SGCZ: variants seen among roughly 807,000 people sequenced by gnomAD.
The protein encoded by SGCZ is sarcoglycan zeta, also known as zeta-sarcoglycan.
SGCZ carries 40 observed loss-of-function variants against 41.3 expected under a neutral mutation model. The observed-to-expected ratio is 0.97, with a 90% confidence interval of 0.75 to 1.26. SGCZ has a LOEUF of 1.26. SGCZ is among the 50% of genes most tolerant of loss of function. SGCZ has a pLI of 0.00. For missense variants in SGCZ, 552 were observed against 369.8 expected, an observed-to-expected ratio of 1.49 and a Z score of -4.04; for synonymous variants, 206 against 137.5, an observed-to-expected ratio of 1.50 and a Z score of -3.49.
rs191893470 is a variant in SGCZ, at chr8:14,196,178, T to C, written c.425-31476A>G. Among the ~76,000 whole-genome samples the C allele has an allele frequency of 7.6e-4, 116 of 152,174 alleles. 1 individual carries two copies. Among genetic ancestry groups the C allele is most frequent in the African/African-American group, 2.4e-3 (100 of 41,538 alleles). On this transcript the variant is annotated intron_variant, in intron 4 of 7. Transcript: ENST00000382080. ...TGGACATAGATAAGCTATAGATTTA[T>C]ATTATGAACATTAAAGCAATCAGTA...
intron 2 of SGCZ, among the ~76,000 whole-genome samples, chr8:14,545,921 G>C (rs1803612100): frequency 6.6e-6 from 1 of 152,036 alleles, no homozygotes; most frequent in South Asian, 2.1e-4. Flanking sequence ...AATTCTTGTA[G>C]TTTACTTCAG....
intron 7 of SGCZ, among the ~76,000 whole-genome samples, chr8:14,092,301 G>C (rs1043888196): frequency 2.6e-5 from 4 of 151,928 alleles, no homozygotes; most frequent in African/African-American, 9.7e-5. Flanking sequence ...GGTTATGTGG[G>C]CTCTTTTTTG....
At chr8:14,486,769 C>A (rs892199399) in intron 2 of SGCZ, among the ~76,000 whole-genome samples, 2 of 152,184 alleles carry the variant, frequency 1.3e-5, no homozygotes, top group East Asian at 3.9e-4. Context: ...CATTCTCCAA[C>A]CTCAGCCTCC....
intron 1 of SGCZ, among the ~76,000 whole-genome samples, chr8:14,843,010 T>A (rs556478810): frequency 6.6e-6 from 1 of 152,262 alleles, no homozygotes; most frequent in African/African-American, 2.4e-5. Flanking sequence ...GTCAAAGGTT[T>A]GAGACCAGCC....
intron 1 of SGCZ, 32 bp from the exon 2 acceptor site, chr8:14,554,958 AG>A (rs1488101300): frequency 8.7e-6 from 13 of 1,497,312 alleles, no homozygotes; most frequent in Non-Finnish European, 1.2e-5. Flanking sequence ...AAGAGAAAGA[AG>A]GAAAAAAAAA....
intron 1 of SGCZ, among the ~76,000 whole-genome samples, chr8:15,229,451 A>G (rs1801879433): frequency 6.6e-6 from 1 of 152,174 alleles, no homozygotes; most frequent in South Asian, 2.1e-4. Flanking sequence ...GGTAAAGGGG[A>G]ACTAATTTAA....
Position 14,383,374 on chromosome 8 carries a change from G to A in SGCZ, c.235-59170C>T, listed in dbSNP as rs112086985. ...CTACTTAACGAAGTTTATAATTATG[G>A]GAAAGAAGTCTAATGATGGAGTGAC... On this transcript the variant is annotated intron_variant, in intron 2 of 7. Coordinates refer to ENST00000382080, the MANE Select transcript of SGCZ (RefSeq NM_139167.4). 4.6e-5 allele frequency among the ~76,000 whole-genome samples: 7 copies of A among 152,234 alleles called. 1 individual carries two copies. Among genetic ancestry groups the A allele is most frequent in the African/African-American group, 1.7e-4 (7 of 41,536 alleles).
intron 1 of SGCZ, among the ~76,000 whole-genome samples, chr8:14,598,838 T>A (rs1805497755): frequency 6.6e-6 from 1 of 152,120 alleles, no homozygotes; most frequent in Non-Finnish European, 1.5e-5. Context: ...AAAAAGATAT[T>A]TAAAAATATT....
chr8:14,608,036 G>A (rs1379884432), intron 1 of SGCZ, among the ~76,000 whole-genome samples: 2 of 152,282 alleles, frequency 1.3e-5, no homozygotes, highest in Admixed American at 6.5e-5. Context: ...AGATTACAAT[G>A]TCACTGTTAA....
At chr8:14,767,849 A>C (rs542829172) in intron 1 of SGCZ, among the ~76,000 whole-genome samples, 2 of 152,306 alleles carry the variant, frequency 1.3e-5, no homozygotes, top group South Asian at 4.1e-4. Flanking sequence ...ATTCATATTT[A>C]GATTCTTCCT....
At chr8:14,248,795 T>C (rs908694387) in intron 3 of SGCZ, among the ~76,000 whole-genome samples, 3 of 152,112 alleles carry the variant, frequency 2.0e-5, no homozygotes, top group African/African-American at 7.2e-5. Context: ...ATGAGGGGTT[T>C]TAAATATCTG....
chr8:14,512,084 C>T (rs983729477), intron 2 of SGCZ, among the ~76,000 whole-genome samples: 1 of 152,096 alleles, frequency 6.6e-6, no homozygotes, highest in Admixed American at 6.6e-5. Flanking sequence ...ATAACTGACA[C>T]CATGAAAACT....
chr8:15,236,562 C>T (rs144416065), intron 1 of SGCZ, among the ~76,000 whole-genome samples: 315 of 152,336 alleles, frequency 2.1e-3, no homozygotes, highest in African/African-American at 7.4e-3. Flanking sequence ...AAAAGAGGTG[C>T]TTCCAGTGTC....
chr8:14,408,457 C>A (rs77742195), intron 2 of SGCZ, among the ~76,000 whole-genome samples: 3,314 of 152,164 alleles, frequency 0.022, 94 homozygotes, highest in African/African-American at 0.059. Flanking sequence ...AGTCCTAATA[C>A]GCTCCATTCC....
chr8:14,793,670 T>C (rs1801032944), intron 1 of SGCZ, among the ~76,000 whole-genome samples: 1 of 152,138 alleles, frequency 6.6e-6, no homozygotes, highest in African/African-American at 2.4e-5. Flanking sequence ...TAAAGGGGAT[T>C]GCAAATGGGT....
At chr8:15,147,331 T>G (rs1799061858) in intron 1 of SGCZ, among the ~76,000 whole-genome samples, 1 of 152,078 alleles carries the variant, frequency 6.6e-6, no homozygotes, top group Admixed American at 6.6e-5. Flanking sequence ...CAGGCTGGAG[T>G]GCAATGGCAC....
At chr8:14,723,540 G>A (rs1408226307) in intron 1 of SGCZ, among the ~76,000 whole-genome samples, 3 of 152,068 alleles carry the variant, frequency 2.0e-5, no homozygotes, top group Non-Finnish European at 2.9e-5. Context: ...CTGGCCATAG[G>A]TGCCCATCCC....
chr8:14,683,338 T>C (rs973818204), intron 1 of SGCZ, among the ~76,000 whole-genome samples: 1 of 152,040 alleles, frequency 6.6e-6, no homozygotes, highest in Non-Finnish European at 1.5e-5. Flanking sequence ...GAAATAACAC[T>C]TGTATAAATT....
At chr8:14,909,155 C>T (rs927358435) in intron 1 of SGCZ, among the ~76,000 whole-genome samples, 6 of 152,034 alleles carry the variant, frequency 3.9e-5, no homozygotes, top group Non-Finnish European at 8.8e-5. Flanking sequence ...CTTTAACATC[C>T]AGCCCACTCC....
Sources: allele counts gnomAD v4.1 joint callset (sites outside exome capture counted in the v4.1 genomes callset), GRCh38; gene constraint gnomAD v4.1.1; transcripts MANE v1.5; gene names NCBI Gene and HGNC (gene_info 2026-07-23, HGNC 2026-07-21).